The following RANBP2 variants were observed in gnomAD, a reference collection of about 807,000 sequenced individuals.
RANBP2 encodes the protein RAN binding protein 2, also known as E3 SUMO-protein ligase RanBP2.
A neutral mutation model predicts 303.6 loss-of-function variants in RANBP2; 57 were observed. That is an observed-to-expected ratio of 0.19 (90% CI 0.15 to 0.23). The LOEUF (loss-of-function observed/expected upper bound fraction) is 0.23. Ranked by LOEUF, RANBP2 falls within the 10% of genes least tolerant of loss-of-function variation. The pLI, the probability that RANBP2 is intolerant of heterozygous loss-of-function variation, is 1.00. For missense variants in RANBP2, 3,138 were observed against 3,780.8 expected, an observed-to-expected ratio of 0.83 and a Z score of 4.46; for synonymous variants, 1,167 against 1,301.5, an observed-to-expected ratio of 0.90 and a Z score of 2.23.
chr2:109,549,193 C>T, the RANBP2 span, among the ~76,000 whole-genome samples: 1 of 152,126 alleles, frequency 6.6e-6, no homozygotes, highest in Non-Finnish European at 1.5e-5. Context: ...ACGTGTGCAT[C>T]GGTGATGTGG....
At chr2:108,821,700 T>G in the RANBP2 span, among the ~76,000 whole-genome samples, 1 of 151,848 alleles carries the variant, frequency 6.6e-6, no homozygotes, top group South Asian at 2.1e-4. Context: ...ATCCCAGTAC[T>G]TTGGGAGGCT....
At chr2:109,068,193 CTT>C in the RANBP2 span, among the ~76,000 whole-genome samples, 1 of 151,536 alleles carries the variant, frequency 6.6e-6, no homozygotes. Flanking sequence ...ACTTTTTCAT[CTT>C]TTCGCGGAAC....
chr2:109,530,633 C>T, the RANBP2 span, among the ~76,000 whole-genome samples: 1 of 152,162 alleles, frequency 6.6e-6, no homozygotes, highest in Non-Finnish European at 1.5e-5. Context: ...CTGAGAGAGC[C>T]GAGGGGGCAT....
chr2:109,324,701 G>A, the RANBP2 span, among the ~76,000 whole-genome samples: 13 of 152,144 alleles, frequency 8.5e-5, no homozygotes, highest in Non-Finnish European at 1.8e-4. Flanking sequence ...GTGGATCCCT[G>A]CTGGTAGTAA....
the RANBP2 span, among the ~76,000 whole-genome samples, chr2:108,871,053 C>G: frequency 1.3e-5 from 2 of 151,892 alleles, no homozygotes; most frequent in African/African-American, 4.8e-5. Flanking sequence ...TTAGAAATAG[C>G]CGTCATTAAT....
At chr2:109,386,513 C>CA in the RANBP2 span, among the ~76,000 whole-genome samples, 2 of 152,116 alleles carry the variant, frequency 1.3e-5, no homozygotes, top group Admixed American at 1.3e-4. Context: ...ACTTTATTTA[C>CA]AAAAACCAGC....
At chr2:109,631,214 C>T in the RANBP2 span, among the ~76,000 whole-genome samples, 26 of 152,132 alleles carry the variant, frequency 1.7e-4, no homozygotes, top group African/African-American at 6.0e-4. Flanking sequence ...GATGTCATCT[C>T]ATTCAGCTCC....
Position 108,764,221 on chromosome 2 carries a change from G to A in RANBP2, c.3682G>A (p.Gly1228Ser), listed in dbSNP as rs571671852. The A allele has an allele frequency of 1.2e-6, 2 of 1,613,980 alleles. No homozygotes were observed. The highest frequency in any genetic ancestry group is 1.3e-5 in the African/African-American group (1 of 75,020). The change falls in exon 20 of 29, where the codon GGT becomes AGT. Residue 1228 changes from glycine to serine, a missense_variant. Physicochemically the swap from Gly to Ser is moderately conservative, Grantham distance 56. Coordinates refer to ENST00000283195, the MANE Select transcript of RANBP2 (RefSeq NM_006267.5). ...NVKILRHKTS[G>S]KIRLLMRREQ... Reference sequence around the variant, plus strand: ...AAAAATACTGAGGCATAAAACATCTGGTAAAATTCGCCTTCTAATGAGACG... The same window carrying A: ...AAAAATACTGAGGCATAAAACATCTAGTAAAATTCGCCTTCTAATGAGACG...
the RANBP2 span, among the ~76,000 whole-genome samples, chr2:109,149,711 G>C: frequency 1.3e-5 from 2 of 152,190 alleles, no homozygotes; most frequent in Admixed American, 6.5e-5. Context: ...GCCTCGTGGT[G>C]CTTACGTTCT....
At chr2:109,017,771 T>C in the RANBP2 span, among the ~76,000 whole-genome samples, 2 of 152,314 alleles carry the variant, frequency 1.3e-5, no homozygotes, top group African/African-American at 2.4e-5. Context: ...TAATGATGCA[T>C]TCAGTCTCTG....
chr2:108,870,487 G>A, the RANBP2 span, among the ~76,000 whole-genome samples: 2 of 152,044 alleles, frequency 1.3e-5, no homozygotes, highest in African/African-American at 2.4e-5. Context: ...GGAAAGACAC[G>A]GCTCTACAAA....
chr2:109,537,588 T>C, the RANBP2 span, among the ~76,000 whole-genome samples: 4 of 152,228 alleles, frequency 2.6e-5, no homozygotes, highest in Non-Finnish European at 5.9e-5. Flanking sequence ...TTCTTGGGGA[T>C]GCATTAGTTT....
chr2:108,919,650 G>A, the RANBP2 span, among the ~76,000 whole-genome samples: 2 of 152,160 alleles, frequency 1.3e-5, no homozygotes, highest in Non-Finnish European at 1.5e-5. Flanking sequence ...GAGCCACTGC[G>A]CCTGGCCCTG....
At chr2:109,297,716 A>G in the RANBP2 span, among the ~76,000 whole-genome samples, 4 of 132,676 alleles carry the variant, frequency 3.0e-5, no homozygotes, top group East Asian at 2.3e-4. Context: ...ATGCCCCCCA[A>G]CTGGGTCCGT....
chr2:109,546,024 C>G, the RANBP2 span: 1 of 1,543,748 alleles, frequency 6.5e-7, no homozygotes, highest in Non-Finnish European at 8.7e-7. Flanking sequence ...GGCAGGGCTG[C>G]CAGGGAGGGT....
At chr2:109,166,840 C>T in the RANBP2 span, among the ~76,000 whole-genome samples, 1 of 152,154 alleles carries the variant, frequency 6.6e-6, no homozygotes, top group Non-Finnish European at 1.5e-5. Context: ...TATAATCCCC[C>T]ATATATGATT....
the RANBP2 span, chr2:108,894,390 G>A: frequency 6.6e-6 from 1 of 152,512 alleles, no homozygotes; most frequent in East Asian, 1.9e-4. Context: ...ACCAGGAACA[G>A]AGCAATCAGA....
chr2:109,249,233 C>A, the RANBP2 span, among the ~76,000 whole-genome samples: 1 of 152,226 alleles, frequency 6.6e-6, no homozygotes, highest in Non-Finnish European at 1.5e-5. Flanking sequence ...GACTCCTACC[C>A]TGTTCTTTCT....
chr2:108,811,514 A>G, the RANBP2 span, among the ~76,000 whole-genome samples: 2 of 151,912 alleles, frequency 1.3e-5, no homozygotes, highest in Non-Finnish European at 2.9e-5. Flanking sequence ...AAGTGCTGGG[A>G]TTACAGGTGT....
Sources: allele counts gnomAD v4.1 joint callset (sites outside exome capture counted in the v4.1 genomes callset), GRCh38; gene constraint gnomAD v4.1.1; transcripts MANE v1.5; gene names NCBI Gene and HGNC (gene_info 2026-07-23, HGNC 2026-07-21).